HAUS7: variants seen among roughly 807,000 people sequenced by gnomAD.
HAUS7 encodes HAUS augmin like complex subunit 7.
Under a neutral mutation model 28.4 loss-of-function variants are expected in HAUS7, and 3 were observed. That is an observed-to-expected ratio of 0.11 (90% CI 0.05 to 0.27). HAUS7 has a LOEUF of 0.27. HAUS7 is among the 10% of genes least tolerant of loss of function. The pLI, the probability that HAUS7 is intolerant of heterozygous loss-of-function variation, is 1.00. For synonymous variants in HAUS7, 165 were observed against 132.1 expected (o/e 1.25, Z -1.71); for missense variants, 284 against 297.3 (o/e 0.96, Z 0.33).
chrX:153,470,355 G>T, intron 1 of HAUS7, 95 bp downstream of exon 1: 1 of 917,380 alleles, frequency 1.1e-6, no homozygotes, highest in Non-Finnish European at 1.5e-6. Flanking sequence ...CGGTGGCCGC[G>T]TGGCGCCGCG....
At chrX:153,450,713 C>T (rs972152383) in intron 9 of HAUS7, among the ~76,000 whole-genome samples, 3 of 112,452 alleles carry the variant, frequency 2.7e-5, no homozygotes, top group African/African-American at 9.7e-5. Flanking sequence ...TGAGGCCATG[C>T]CCCCAGCAAG....
chrX:153,486,052 C>T, intron 1 of HAUS7: 4 of 966,110 alleles, frequency 4.1e-6, no homozygotes, highest in Non-Finnish European at 5.4e-6. Context: ...GCCTCCTGGG[C>T]CTCAAGGGAC....
chrX:153,454,867 G>A, intron 8 of HAUS7: 5 of 1,002,158 alleles, frequency 5.0e-6, no homozygotes, highest in Non-Finnish European at 6.7e-6. Flanking sequence ...GGAGAGGGCT[G>A]TGGCCTCACC....
At chrX:153,486,224 T>G (rs1556988516) in intron 1 of HAUS7, 1 of 415,626 alleles carries the variant, frequency 2.4e-6, no homozygotes, top group Admixed American at 5.7e-5. Flanking sequence ...CAGGCTGGCC[T>G]TTGGGCTCCT....
At chrX:153,477,528 G>C (rs964923530) in intron 1 of HAUS7, among the ~76,000 whole-genome samples, 2 of 113,054 alleles carry the variant, frequency 1.8e-5, no homozygotes, top group African/African-American at 3.2e-5. Context: ...TCTGTAAAAT[G>C]GGGGGTCGAC....
intron 9 of HAUS7, among the ~76,000 whole-genome samples, chrX:153,450,849 G>A (rs1467302541): frequency 8.9e-6 from 1 of 112,578 alleles, no homozygotes; most frequent in Non-Finnish European, 1.9e-5. Context: ...TCCACAGCGG[G>A]AGGAGGGCCA....
At chrX:153,470,908 CT>C, upstream of HAUS7, 1 of 349,788 alleles carries the variant, frequency 2.9e-6, no homozygotes, top group Non-Finnish European at 5.5e-6. Flanking sequence ...CAAGCTGGCT[CT>C]GAGTCGCAGG....
intron 1 of HAUS7, chrX:153,481,276 G>A: frequency 1.5e-6 from 1 of 664,461 alleles, no homozygotes; most frequent in Non-Finnish European, 1.7e-6. Context: ...TCACTGGCAG[G>A]CCCTGGGAGC....
chrX:153,488,609 G>C (rs2089653126), intron 1 of HAUS7, among the ~76,000 whole-genome samples: 1 of 112,445 alleles, frequency 8.9e-6, no homozygotes, highest in Non-Finnish European at 1.9e-5. Context: ...GGCACTTCCT[G>C]TTTGGGCTGG....
Position 153,491,952 on chromosome X carries a change from G to A in HAUS7, c.-589+3422C>T, listed in dbSNP as rs996681746. Among the ~76,000 whole-genome samples the A allele has an allele frequency of 4.4e-5, 5 of 113,139 alleles. No individual in the cohort carries two copies. The South Asian group carries it at 1.4e-3, about 32-fold the overall frequency. On this transcript the variant is annotated intron_variant, in intron 1 of 5. Coordinates refer to the HAUS7 transcript ENST00000370210. ...ATCCCAGCTAGGGCCTAGGGGGCCTGTGCAGTGGCATCCCAGGGTCACATA... is the reference window on the plus strand; with the variant it reads ...ATCCCAGCTAGGGCCTAGGGGGCCTATGCAGTGGCATCCCAGGGTCACATA...
Position 153,485,985 on chromosome X carries a change from G to A in HAUS7, c.-589+9389C>T, listed in dbSNP as rs1367152397. On this transcript the variant is annotated intron_variant, in intron 1 of 5. Transcript: ENST00000370210. Reference sequence around the variant, plus strand: ...CACAGCGTGTCCTTCCTGGGCCTGCGCGCCTCGCTGGCGGAGCTGCTCCTG... The same window carrying A: ...CACAGCGTGTCCTTCCTGGGCCTGCACGCCTCGCTGGCGGAGCTGCTCCTG... 1.1e-5 allele frequency: 11 copies of A among 979,080 alleles called. No homozygotes were observed. In the Admixed American group the frequency reaches 1.2e-4, roughly 11 times the overall value. 80.7% of individuals were successfully genotyped at this position (979,080 alleles called of 1,213,427 possible).
chrX:153,480,322 C>T (rs992386781), intron 1 of HAUS7, among the ~76,000 whole-genome samples: 4 of 110,607 alleles, frequency 3.6e-5, no homozygotes, highest in Admixed American at 9.5e-5. Flanking sequence ...GGGCCTAGAG[C>T]GCCACCCACC....
chrX:153,493,108 G>A (rs1242497511), intron 1 of HAUS7, among the ~76,000 whole-genome samples: 1 of 112,374 alleles, frequency 8.9e-6, no homozygotes. Context: ...TCACAGAACT[G>A]TGCAACCATC....
Position 153,470,525 on chromosome X carries a change from G to T in HAUS7, c.33C>A (p.Gly11=). 2 of 1,197,489 alleles carry T rather than the reference G, an allele frequency of 1.7e-6. No homozygotes were observed. The highest frequency in any genetic ancestry group is 2.3e-6 in the Non-Finnish European group (2 of 888,483). ...CCTCGTCCTCTGAGTAGTCGTCGCCGCCACGGCCGCAGCCAGCGTCCTGCC... is the reference window on the plus strand; with the variant it reads ...CCTCGTCCTCTGAGTAGTCGTCGCCTCCACGGCCGCAGCCAGCGTCCTGCC... MAGQDAGCGR[G]GDDYSEDEGD... Residue 11 remains glycine, a synonymous_variant, in exon 1 of 10, where the codon GGC becomes GGA. Transcript: ENST00000370211.
intron 1 of HAUS7, among the ~76,000 whole-genome samples, chrX:153,485,360 T>G (rs141753285): frequency 9.0e-6 from 1 of 111,350 alleles, no homozygotes; most frequent in South Asian, 3.8e-4. Flanking sequence ...TGCCCCACTT[T>G]TCCCCTAGAT....
chrX:153,491,693 G>A (rs1387763134), intron 1 of HAUS7, among the ~76,000 whole-genome samples: 1 of 113,115 alleles, frequency 8.8e-6, no homozygotes, highest in Non-Finnish European at 1.9e-5. Flanking sequence ...GTGTGGCCTG[G>A]GGCCCTGTGC....
At position 153,457,139 on chromosome X, in the gene HAUS7, C is replaced by G; in HGVS notation, c.444G>C (p.Ser148=). The part of the protein sequence containing the change: ...RSLTIGCSSC[S]SLMEHFEDTR... ...ACCTGGGCCATCCACACCTTTACCT[C>G]GAGCAACTGGAGCACCCAATGGTCA... Residue 148 remains serine, a splice_region_variant and synonymous_variant, in exon 5 of 10, where the codon TCG becomes TCC. Coordinates refer to ENST00000370211, the MANE Select transcript of HAUS7 (RefSeq NM_001385482.1). 2.6e-6 allele frequency: 3 copies of G among 1,171,661 alleles called. No homozygotes were observed. The highest frequency in any genetic ancestry group is 3.0e-5 in the East Asian group (1 of 33,666).
chrX:153,484,672 C>T (rs2089624460), intron 1 of HAUS7, among the ~76,000 whole-genome samples: 1 of 112,885 alleles, frequency 8.9e-6, no homozygotes, highest in Admixed American at 9.3e-5. Flanking sequence ...GAAAAAGTTA[C>T]CAGGACGTTT....
chrX:153,468,871 AG>A (rs1359939978), intron 2 of HAUS7, among the ~76,000 whole-genome samples: 3 of 112,997 alleles, frequency 2.7e-5, no homozygotes, highest in African/African-American at 9.6e-5. Context: ...CAAACTCATA[AG>A]GCAAGGCAAA....
Sources: gnomAD v4.1 joint callset for allele counts (sites outside exome capture counted in the v4.1 genomes callset) on GRCh38, gnomAD v4.1.1 for gene constraint, MANE v1.5 for transcripts, NCBI Gene and HGNC (gene_info 2026-07-23, HGNC 2026-07-21) for gene names.